Variants in ACTR3C observed in about 807,000 individuals in gnomAD.
The protein encoded by ACTR3C is actin-related protein 3C.
A neutral mutation model predicts 26.3 loss-of-function variants in ACTR3C; 18 were observed. The ratio of observed to expected loss-of-function variants is 0.68; its 90% CI spans 0.47 to 1.01. The LOEUF (loss-of-function observed/expected upper bound fraction) is 1.01, where lower values mean the gene tolerates loss of function less well. Ranked by LOEUF, ACTR3C falls within the 50% of genes least tolerant of loss-of-function variation. ACTR3C has a pLI of 0.00. For missense variants in ACTR3C, 184 were observed against 250.7 expected (o/e 0.73, Z 1.80); for synonymous variants, 55 against 94.5 (o/e 0.58, Z 2.42).
the ACTR3C span, among the ~76,000 whole-genome samples, chr7:150,041,077 C>G: frequency 1.3e-5 from 2 of 150,736 alleles, no homozygotes; most frequent in African/African-American, 5.0e-5. Context: ...TTTTCTCTCT[C>G]TGACGCATAC....
the ACTR3C span, chr7:150,040,561 C>T: frequency 6.7e-6 from 1 of 148,416 alleles, no homozygotes; most frequent in South Asian, 2.1e-4. Flanking sequence ...CACCTGCCTT[C>T]TGCCCTTAAG....
chr7:149,976,128 G>A, the ACTR3C span, among the ~76,000 whole-genome samples: 2 of 152,144 alleles, frequency 1.3e-5, no homozygotes, highest in African/African-American at 2.4e-5. Flanking sequence ...CTAATCAAGT[G>A]TATTTTCATG....
At chr7:150,228,780 TA>T in the ACTR3C span, among the ~76,000 whole-genome samples, 1 of 150,254 alleles carries the variant, frequency 6.7e-6, no homozygotes, top group East Asian at 1.9e-4. Context: ...ACAGCAACTA[TA>T]AAAAAATTTA....
chr7:150,308,088 C>A (rs1049142303), intron 1 of ACTR3C, among the ~76,000 whole-genome samples: 3 of 151,864 alleles, frequency 2.0e-5, no homozygotes, highest in African/African-American at 7.3e-5. Flanking sequence ...TGATTATTCA[C>A]CCGCATTCCA....
the ACTR3C span, among the ~76,000 whole-genome samples, chr7:149,992,187 G>A: frequency 1.3e-5 from 2 of 152,258 alleles, no homozygotes; most frequent in Non-Finnish European, 2.9e-5. Flanking sequence ...CACAGCACAG[G>A]TCCAGAGCCG....
the ACTR3C span, among the ~76,000 whole-genome samples, chr7:149,966,493 G>A: frequency 6.6e-6 from 1 of 152,332 alleles, no homozygotes; most frequent in African/African-American, 2.4e-5. Flanking sequence ...CTTCTTCCAA[G>A]TTAAGTGAGA....
In ACTR3C at chr7:150,285,824, T is replaced by C. The variant is rs145845464; in HGVS notation, c.471+543A>G. On this transcript the variant is annotated intron_variant, in intron 5 of 7. Transcript: ENST00000683684. ...TTTCTGCAAAAGTACTAATAATTCC[T>C]TATGACTACTAGTTAAAATGATGAC... Among the ~76,000 whole-genome samples, 412 of 152,310 alleles carry C rather than the reference T, an allele frequency of 2.7e-3. 3 individuals are homozygous for C. The highest frequency in any genetic ancestry group is 9.3e-3 in the African/African-American group (388 of 41,552).
the ACTR3C span, among the ~76,000 whole-genome samples, chr7:150,227,688 G>GTTTTT: frequency 1.8e-5 from 2 of 111,380 alleles, no homozygotes; most frequent in African/African-American, 3.8e-5. Flanking sequence ...TTGTGTCTGG[G>GTTTTT]TTTTTTTTTT....
the ACTR3C span, among the ~76,000 whole-genome samples, chr7:150,092,019 A>AAAAAAAAT: frequency 7.0e-6 from 1 of 141,852 alleles, no homozygotes; most frequent in Non-Finnish European, 1.5e-5. Context: ...AAAAAAAAAA[A>AAAAAAAAT]AAAGAAATAA....
intron 3 of ACTR3C, 113 bp from the exon 4 acceptor site, chr7:150,289,706 C>T: frequency 3.3e-6 from 5 of 1,531,096 alleles, no homozygotes; most frequent in South Asian, 1.3e-5. Context: ...ACGGCACTGA[C>T]AAGCATTGAC....
At chr7:149,936,600 G>GCA in the ACTR3C span, among the ~76,000 whole-genome samples, 1 of 152,180 alleles carries the variant, frequency 6.6e-6, no homozygotes, top group African/African-American at 2.4e-5. Flanking sequence ...TGGCCTACAA[G>GCA]CAGTTAGTGT....
At chr7:149,964,790 G>C in the ACTR3C span, among the ~76,000 whole-genome samples, 2 of 152,056 alleles carry the variant, frequency 1.3e-5, no homozygotes, top group Non-Finnish European at 2.9e-5. Flanking sequence ...GATAATGAGG[G>C]CTGATGAAGA....
chr7:149,934,288 G>T, the ACTR3C span, among the ~76,000 whole-genome samples: 1 of 152,132 alleles, frequency 6.6e-6, no homozygotes, highest in African/African-American at 2.4e-5. Context: ...GCAGATCCCA[G>T]GTGTTGAGCT....
chr7:149,994,215 C>G, the ACTR3C span, among the ~76,000 whole-genome samples: 11 of 152,160 alleles, frequency 7.2e-5, no homozygotes, highest in Admixed American at 5.9e-4. Flanking sequence ...GAGGAGACAA[C>G]TTGAGAACAA....
At chr7:150,120,457 C>T in the ACTR3C span, among the ~76,000 whole-genome samples, 6 of 152,146 alleles carry the variant, frequency 3.9e-5, no homozygotes, top group Non-Finnish European at 5.9e-5. Context: ...TTATAAACAC[C>T]TCTATGCAAA....
At chr7:149,979,409 C>T in the ACTR3C span, among the ~76,000 whole-genome samples, 4 of 152,284 alleles carry the variant, frequency 2.6e-5, no homozygotes, top group South Asian at 8.3e-4. Context: ...AACGTGTATT[C>T]CCTTCCCCCT....
At chr7:149,909,672 C>G in the ACTR3C span, 1 of 453,014 alleles carries the variant, frequency 2.2e-6, no homozygotes, top group Admixed American at 4.5e-5. Context: ...TGAACTGGGG[C>G]TCAGTGTTGC....
the ACTR3C span, among the ~76,000 whole-genome samples, chr7:150,149,875 A>G: frequency 6.6e-6 from 1 of 152,236 alleles, no homozygotes; most frequent in African/African-American, 2.4e-5. Flanking sequence ...TTCTACATTT[A>G]CATCTTTAAT....
the ACTR3C span, among the ~76,000 whole-genome samples, chr7:149,923,290 C>G: frequency 6.6e-6 from 1 of 151,762 alleles, no homozygotes; most frequent in African/African-American, 2.4e-5. Context: ...CTTAAATCAC[C>G]TATCTATGAG....
Sources: allele counts gnomAD v4.1 joint callset (sites outside exome capture counted in the v4.1 genomes callset), GRCh38; gene constraint gnomAD v4.1.1; transcripts MANE v1.5; gene names NCBI Gene and HGNC (gene_info 2026-07-23, HGNC 2026-07-21).